DMBX1: variants seen among roughly 807,000 people sequenced by gnomAD.
DMBX1 encodes the protein diencephalon/mesencephalon homeobox 1.
Under a neutral mutation model 30.4 loss-of-function variants are expected in DMBX1, and 7 were observed. The ratio of observed to expected loss-of-function variants is 0.23; its 90% CI spans 0.13 to 0.43. DMBX1 has a LOEUF of 0.43. Among genes scored for constraint, DMBX1 ranks in the 20% least tolerant of loss-of-function variants. The probability of loss-of-function intolerance (pLI) is 1.00; values close to 1 mark genes in which losing one functional copy is unlikely to be tolerated. For missense variants in DMBX1, 460 were observed against 508.5 expected, an observed-to-expected ratio of 0.90 and a Z score of 0.92; for synonymous variants, 222 against 214.2, an observed-to-expected ratio of 1.04 and a Z score of -0.32.
At position 46,507,162 on chromosome 1, in the gene DMBX1, C is replaced by G. The variant is rs1666254357; in HGVS notation, c.152C>G (p.Ala51Gly). 1.2e-6 allele frequency: 2 copies of G among 1,613,878 alleles called. No homozygotes were observed. The highest frequency in any genetic ancestry group is 1.7e-5 in the Admixed American group (1 of 59,990). Residue 51 changes from alanine (A) to glycine (G), a missense_variant and splice_region_variant, in exon 3 of 6, where the codon GCT becomes GGT. Physicochemically the swap from Ala to Gly is moderately conservative, Grantham distance 60. This residue lies in a region of DMBX1 where 124 missense variants were observed against 144.0 expected (regional missense o/e 0.86). Transcript: ENST00000360032. ...GCGCTTACATTGGCTGAGCGCCTGGCTGGTAAGGGCCCTGGGGATGGGACC... is the reference window on the plus strand; with the variant it reads ...GCGCTTACATTGGCTGAGCGCCTGGGTGGTAAGGGCCCTGGGGATGGGACC... ...VHALTLAERL[A>G]DIILEARYGS...
Position 46,514,537 on chromosome 1 carries a change from C to T in DMBX1, c.*2043C>T, listed in dbSNP as rs893283139. 1.5e-4 allele frequency among the ~76,000 whole-genome samples: 23 copies of T among 152,124 alleles called. No individual in the cohort carries two copies. Among genetic ancestry groups the T allele is most frequent in the African/African-American group, 5.6e-4 (23 of 41,414 alleles). On this transcript the variant is annotated 3_prime_UTR_variant, in exon 6 of 6. Coordinates refer to ENST00000360032, the MANE Select transcript of DMBX1 (RefSeq NM_172225.2). ...CTAGTTCAGGCAATCTGGATTTGAT[C>T]TTGAGTTCCAGTGCCAGCCTCTGGA...
At position 46,510,765 on chromosome 1, in the gene DMBX1, T is replaced by TC; in HGVS notation, c.333+113dup. 2.8e-6 allele frequency: 4 copies of TC among 1,410,502 alleles called. No individual in the cohort carries two copies. The highest frequency in any genetic ancestry group is 3.8e-6 in the Non-Finnish European group (4 of 1,048,898). The allele number at this position is 1,410,502 out of a possible 1,614,324, so 87.4% of individuals were successfully genotyped here. A position where few individuals can be genotyped will look rare whatever the true frequency, so the allele number is the denominator to read the frequency against. On this transcript the variant is annotated intron_variant, in intron 4 of 5. Transcript: ENST00000360032. This position sits in a 1 kb window ranked among gnomAD's most constrained non-coding sequence, Gnocchi z 4.1. ...CCTGTGCCAAGGTGCAACTGATCTC[T>TC]CCATCAAAGCCTTCAGTGATAGGAG...
At position 46,511,084 on chromosome 1, in the gene DMBX1, G is replaced by A; in HGVS notation, c.483G>A (p.Gln161=). 6.2e-7 allele frequency: 1 copy of A among 1,614,104 alleles called. No homozygotes were observed. The highest frequency in any genetic ancestry group is 8.5e-7 in the Non-Finnish European group (1 of 1,180,008). The change falls in exon 5 of 6, where the codon CAG becomes CAA. Residue 161 remains glutamine, a synonymous_variant. Coordinates refer to ENST00000360032, the MANE Select transcript of DMBX1 (RefSeq NM_172225.2). ...PTPDTQLDTE[Q]PPRLPGSDPP... is the part of the protein sequence containing the mutation. The stretch of plus-strand genomic sequence containing the variant: ...CAGATACCCAGCTGGACACTGAGCA[G>A]CCCCCACGTCTGCCTGGCAGCGACC...
chr1:46,511,430 CT>C (rs1666370189), intron 5 of DMBX1, 147 bp downstream of exon 5: 2 of 980,852 alleles, frequency 2.0e-6, no homozygotes, highest in Non-Finnish European at 2.8e-6. Context: ...GGTTTTCACC[CT>C]TTAGTTGCAG....
At chr1:46,497,887 C>T (rs1455517666) in intron 2 of DMBX1, among the ~76,000 whole-genome samples, 2 of 152,228 alleles carry the variant, frequency 1.3e-5, no homozygotes, top group African/African-American at 4.8e-5. Flanking sequence ...TTGTGAAACG[C>T]GGCCGCGCCG....
At position 46,507,001 on chromosome 1, in the gene DMBX1, G is replaced by T. The variant is rs755901742; in HGVS notation, c.-10G>T. 6.2e-7 allele frequency: 1 copy of T among 1,613,938 alleles called. No individual in the cohort carries two copies. The highest frequency in any genetic ancestry group is 1.1e-5 in the South Asian group (1 of 91,064). On this transcript the variant is annotated splice_region_variant and 5_prime_UTR_variant, in exon 3 of 6. Transcript: ENST00000360032. Reference sequence around the variant, plus strand: ...CCCTCTCCCTTTTCCGTCTGTAGGCGGATGCCGCCATGCAGCACTACGGGG... The same window carrying T: ...CCCTCTCCCTTTTCCGTCTGTAGGCTGATGCCGCCATGCAGCACTACGGGG...
chr1:46,496,691 G>A (rs992873750), intron 2 of DMBX1, among the ~76,000 whole-genome samples: 7 of 152,024 alleles, frequency 4.6e-5, no homozygotes, highest in Admixed American at 1.3e-4. Context: ...CCTCCTTTTC[G>A]GCCTCCTTCA....
chr1:46,515,170 G>A lies in DMBX1; in HGVS notation c.*2676G>A, dbSNP rs1666466947. 6.6e-6 allele frequency among the ~76,000 whole-genome samples: 1 copy of A among 152,196 alleles called. No individual in the cohort carries two copies. Among genetic ancestry groups the A allele is most frequent in the South Asian group, 2.1e-4 (1 of 4,826 alleles). On this transcript the variant is annotated 3_prime_UTR_variant, in exon 6 of 6. Coordinates refer to ENST00000360032, the MANE Select transcript of DMBX1 (RefSeq NM_172225.2). The stretch of plus-strand genomic sequence containing the variant: ...TGTGGGAGGTTGGCAGATTCCAGGA[G>A]TGACAGAGGAGGTTTTTGGTTTGGG...
At chr1:46,503,376 C>T (rs1666173454) in intron 2 of DMBX1, among the ~76,000 whole-genome samples, 1 of 152,222 alleles carries the variant, frequency 6.6e-6, no homozygotes. Context: ...CATTGTTATA[C>T]ATCCCTCTAT....
At chr1:46,511,325 G>C (rs979845816) in intron 5 of DMBX1, 42 bp downstream of exon 5, 2 of 1,477,390 alleles carry the variant, frequency 1.4e-6, no homozygotes, top group Admixed American at 4.9e-5. Flanking sequence ...GGGTCTGGGG[G>C]CCCTGAGCGT....
chr1:46,512,571 G>A lies in DMBX1; in HGVS notation c.*77G>A. ...GTGGTTATCCCTAGGTGGCTCTCGA[G>A]GAGTTAACTCCATGAGCCCAGGGAT... On this transcript the variant is annotated 3_prime_UTR_variant, in exon 6 of 6. Coordinates refer to ENST00000360032, the MANE Select transcript of DMBX1 (RefSeq NM_172225.2). The surrounding 1 kb of genome is among the most constrained non-coding windows in gnomAD (Gnocchi z 4.8). 2.7e-6 allele frequency: 4 copies of A among 1,478,660 alleles called. No individual in the cohort carries two copies. The allele number at this position is 1,478,660 out of a possible 1,614,324, so 91.6% of individuals were successfully genotyped here.
intron 1 of DMBX1, among the ~76,000 whole-genome samples, chr1:46,490,370 A>T (rs948240405): frequency 2.0e-5 from 3 of 152,098 alleles, no homozygotes; most frequent in African/African-American, 7.2e-5. Flanking sequence ...GAAAAAAAAA[A>T]TACAAAAAAG....
intron 2 of DMBX1, among the ~76,000 whole-genome samples, chr1:46,497,664 T>C (rs1298524236): frequency 6.6e-6 from 1 of 152,190 alleles, no homozygotes; most frequent in Admixed American, 6.5e-5. Flanking sequence ...GCTGTTAATT[T>C]ATAAAAAATG....
chr1:46,503,716 T>C (rs1428858602), intron 2 of DMBX1, among the ~76,000 whole-genome samples: 6 of 152,242 alleles, frequency 3.9e-5, no homozygotes, highest in Non-Finnish European at 7.3e-5. Flanking sequence ...TGATTATATA[T>C]AGCCTGTGTC....
chr1:46,499,038 T>C (rs568139597), intron 2 of DMBX1, among the ~76,000 whole-genome samples: 1 of 151,554 alleles, frequency 6.6e-6, no homozygotes, highest in East Asian at 1.9e-4. Flanking sequence ...TGTTTTTTCT[T>C]TTCTTTTCTT....
In DMBX1 at chr1:46,493,439, C is replaced by A. The variant is rs1665968760; in HGVS notation, c.-13+2656C>A. Among the ~76,000 whole-genome samples the A allele has an allele frequency of 6.6e-6, 1 of 152,224 alleles. No individual in the cohort carries two copies. On this transcript the variant is annotated intron_variant, in intron 2 of 5. Coordinates refer to ENST00000360032, the MANE Select transcript of DMBX1 (RefSeq NM_172225.2). This position sits in a 1 kb window ranked among gnomAD's most constrained non-coding sequence, Gnocchi z 4.1. ...TCTATTTAGTCACCTGTCCGTTCTT[C>A]CAAGCTTATTTGACTCTGCCCCAGT... is the stretch of plus-strand genomic sequence containing the variant.
chr1:46,510,831 G>T lies in DMBX1; in HGVS notation c.334-104G>T. 7.4e-7 allele frequency: 1 copy of T among 1,357,538 alleles called. No homozygotes were observed. The highest frequency in any genetic ancestry group is 1.5e-5 in the South Asian group (1 of 68,180). The allele number at this position is 1,357,538 out of a possible 1,614,324, so 84.1% of individuals were successfully genotyped here. A position where few individuals can be genotyped will look rare whatever the true frequency, so the allele number is the denominator to read the frequency against. ...GACAGAGGGTGTGCATTCCCTAGAG[G>T]GGTGGGGGGATGTTATCACGTACAT... On this transcript the variant is annotated intron_variant, in intron 4 of 5. Coordinates refer to ENST00000360032, the MANE Select transcript of DMBX1 (RefSeq NM_172225.2). The surrounding 1 kb of genome is among the most constrained non-coding windows in gnomAD (Gnocchi z 4.1).
At chr1:46,498,496 TTC>T (rs1666065911) in intron 2 of DMBX1, among the ~76,000 whole-genome samples, 2 of 152,186 alleles carry the variant, frequency 1.3e-5, no homozygotes, top group African/African-American at 2.4e-5. Context: ...TTTTCTCTTG[TTC>T]TCTCTCACAC....
At chr1:46,502,857 G>A (rs1666162903) in intron 2 of DMBX1, among the ~76,000 whole-genome samples, 2 of 152,146 alleles carry the variant, frequency 1.3e-5, no homozygotes, top group African/African-American at 4.8e-5. Flanking sequence ...TTCAGCCTGG[G>A]AGACACAGCG....
Sources: allele counts gnomAD v4.1 joint callset (sites outside exome capture counted in the v4.1 genomes callset), GRCh38; gene constraint gnomAD v4.1.1; regional missense constraint gnomAD v4.1.1; non-coding constraint Gnocchi (gnomAD v3.1); transcripts MANE v1.5; gene names NCBI Gene and HGNC (gene_info 2026-07-23, HGNC 2026-07-21).